CNIH3: variants seen among roughly 807,000 people sequenced by gnomAD.
The protein encoded by CNIH3 is cornichon family AMPA receptor auxiliary protein 3, also known as protein cornichon homolog 3.
A neutral mutation model predicts 24.1 loss-of-function variants in CNIH3; 14 were observed. That is an observed-to-expected ratio of 0.58 (90% CI 0.38 to 0.91). The LOEUF is 0.91. Ranked by LOEUF, CNIH3 falls within the 40% of genes least tolerant of loss-of-function variation. The pLI is 0.00. For missense variants in CNIH3, 178 were observed against 196.8 expected (o/e 0.90, Z 0.57); for synonymous variants, 68 against 73.8 (o/e 0.92, Z 0.40).
chr1:224,467,152 C>T (rs12144137), intron 1 of CNIH3, among the ~76,000 whole-genome samples: 4,743 of 152,156 alleles, frequency 0.031, 105 homozygotes, highest in Non-Finnish European at 0.045. Flanking sequence ...CAGCCTCTCA[C>T]GTGGCTGGGA....
At chr1:224,639,589 C>T (rs1227215176) in intron 1 of CNIH3, among the ~76,000 whole-genome samples, 1 of 152,174 alleles carries the variant, frequency 6.6e-6, no homozygotes, top group Non-Finnish European at 1.5e-5. Context: ...AACATCTTAA[C>T]ATATGTCCCT....
chr1:224,617,357 G>A (rs1363035931), intron 1 of CNIH3, 102 bp downstream of exon 1: 6 of 1,282,442 alleles, frequency 4.7e-6, no homozygotes, highest in Non-Finnish European at 6.6e-6. Flanking sequence ...CGAACCGGAA[G>A]GTTGGACCTT....
intron 2 of CNIH3, among the ~76,000 whole-genome samples, chr1:224,523,719 TAAA>T (rs1678733206): frequency 6.6e-6 from 1 of 152,316 alleles, no homozygotes; most frequent in Admixed American, 6.5e-5. Context: ...ATAAAAATGT[TAAA>T]AAGTCTCCTA....
chr1:224,601,572 C>T (rs144857460), intron 3 of CNIH3, among the ~76,000 whole-genome samples: 67 of 152,198 alleles, frequency 4.4e-4, no homozygotes, highest in African/African-American at 1.5e-3. Context: ...CCGACAATCA[C>T]CTGATGGTCG....
At chr1:224,491,244 C>T (rs569020529) in intron 1 of CNIH3, among the ~76,000 whole-genome samples, 18 of 152,308 alleles carry the variant, frequency 1.2e-4, no homozygotes, top group African/African-American at 3.8e-4. Flanking sequence ...TCTGAGACCC[C>T]TCCAAATTAG....
chr1:224,726,701 C>T (rs570351169), intron 3 of CNIH3, among the ~76,000 whole-genome samples: 3 of 152,220 alleles, frequency 2.0e-5, no homozygotes, highest in African/African-American at 7.2e-5. Context: ...TCCATGATCC[C>T]CCTGGTTGGA....
intron 4 of CNIH3, among the ~76,000 whole-genome samples, chr1:224,570,794 T>C (rs192873334): frequency 6.6e-6 from 1 of 152,216 alleles, no homozygotes; most frequent in Admixed American, 6.5e-5. Flanking sequence ...TCACATTGCC[T>C]ATATTATCTT....
intron 1 of CNIH3, among the ~76,000 whole-genome samples, chr1:224,487,064 C>T (rs1309225814): frequency 6.6e-6 from 1 of 152,184 alleles, no homozygotes; most frequent in Non-Finnish European, 1.5e-5. Context: ...AATCTAATTT[C>T]TGCTTATATC....
chr1:224,550,256 C>T lies in CNIH3; in HGVS notation n.450+3317C>T, dbSNP rs571797606. The stretch of plus-strand genomic sequence containing the variant: ...CACTAGATTTTATAGAAAATAGGTG[C>T]GATGATATTTCATTAATATCACAGT... On this transcript the variant is annotated intron_variant and non_coding_transcript_variant, in intron 3 of 5. Coordinates refer to the CNIH3 transcript ENST00000471578. Among the ~76,000 whole-genome samples, 8 of 151,822 alleles carry T rather than the reference C, an allele frequency of 5.3e-5. No homozygotes were observed. The South Asian group carries it at 1.0e-3, about 20-fold the overall frequency.
chr1:224,521,347 G>A (rs1358026679), intron 2 of CNIH3: 1 of 149,362 alleles, frequency 6.7e-6, no homozygotes, highest in East Asian at 1.9e-4. Context: ...ATGAATATTG[G>A]GTAGGCACAT....
downstream of CNIH3, among the ~76,000 whole-genome samples, chr1:224,538,412 G>A (rs997825812): frequency 1.3e-5 from 2 of 152,112 alleles, no homozygotes; most frequent in Non-Finnish European, 2.9e-5. Context: ...AGGAGAGCTT[G>A]GGGACAGAAT....
chr1:224,640,959 T>G (rs1684329108), intron 1 of CNIH3, among the ~76,000 whole-genome samples: 1 of 152,182 alleles, frequency 6.6e-6, no homozygotes. Flanking sequence ...AGGTGATGTG[T>G]TTCTGGGAAA....
At position 224,616,854 on chromosome 1, in the gene CNIH3, GC is replaced by G; in HGVS notation, c.-320del. On this transcript the variant is annotated 5_prime_UTR_variant, in exon 1 of 6. It introduces an in-frame stop codon into an upstream open reading frame of the 5' UTR. Transcript: ENST00000272133. ...TCGCTTGTCGTGTTGGTCTCGAGGG[GC>G]TCACAGCTTGGCACTAATTTGCAGG... 8 of 1,176,972 alleles carry G rather than the reference GC, an allele frequency of 6.8e-6. No individual in the cohort carries two copies. In the South Asian group the frequency reaches 1.2e-4, roughly 18 times the overall value. 72.9% of individuals were successfully genotyped at this position (1,176,972 alleles called of 1,614,324 possible). A position where few individuals can be genotyped will look rare whatever the true frequency, so the allele number is the denominator to read the frequency against.
intron 3 of CNIH3, among the ~76,000 whole-genome samples, chr1:224,547,281 A>T (rs564734671): frequency 3.1e-4 from 47 of 152,108 alleles, no homozygotes; most frequent in African/African-American, 8.9e-4. Flanking sequence ...ATCCGAAAGG[A>T]GATATTACTC....
intron 5 of CNIH3, among the ~76,000 whole-genome samples, chr1:224,587,796 G>A (rs1245464686): frequency 6.6e-6 from 1 of 151,890 alleles, no homozygotes; most frequent in Non-Finnish European, 1.5e-5. Flanking sequence ...TAAAAAAATA[G>A]CGGGGCATGG....
chr1:224,646,188 A>T (rs1464586259), intron 1 of CNIH3, among the ~76,000 whole-genome samples: 1 of 152,228 alleles, frequency 6.6e-6, no homozygotes. Flanking sequence ...TTGATTGGAG[A>T]CATCACAGAG....
intron 1 of CNIH3, among the ~76,000 whole-genome samples, chr1:224,619,971 G>A (rs1683202970): frequency 6.6e-6 from 1 of 152,210 alleles, no homozygotes; most frequent in Admixed American, 6.5e-5. Flanking sequence ...CTTTACAGAG[G>A]ATCTCTCAGT....
intron 1 of CNIH3, among the ~76,000 whole-genome samples, chr1:224,675,078 A>G (rs1686073435): frequency 6.6e-6 from 1 of 152,172 alleles, no homozygotes; most frequent in Non-Finnish European, 1.5e-5. Context: ...CTTTGCTGCC[A>G]ACTTTTCTTA....
chr1:224,529,624 C>T (rs1267512791), intron 2 of CNIH3, among the ~76,000 whole-genome samples: 2 of 152,184 alleles, frequency 1.3e-5, no homozygotes, highest in Non-Finnish European at 2.9e-5. Context: ...GCTGCCCCTT[C>T]CAGGTGAAAC....
Sources: allele counts gnomAD v4.1 joint callset (sites outside exome capture counted in the v4.1 genomes callset), GRCh38; gene constraint gnomAD v4.1.1; transcripts MANE v1.5; gene names NCBI Gene and HGNC (gene_info 2026-07-23, HGNC 2026-07-21).